Variants in SND1 observed in about 807,000 individuals in gnomAD.
SND1 encodes the protein staphylococcal nuclease and tudor domain containing 1, also known as staphylococcal nuclease domain-containing protein 1.
Under a neutral mutation model 121.7 loss-of-function variants are expected in SND1, and 38 were observed. The observed-to-expected ratio is 0.31, with a 90% confidence interval of 0.24 to 0.41. SND1 has a LOEUF of 0.41. Ranked by LOEUF, SND1 falls within the 10% of genes least tolerant of loss-of-function variation. The pLI is 1.00. For synonymous variants in SND1, 401 were observed against 447.4 expected, an observed-to-expected ratio of 0.90 and a Z score of 1.31; for missense variants, 868 against 1,184.6, an observed-to-expected ratio of 0.73 and a Z score of 3.92.
At chr7:127,707,775 G>A (rs544898231) in intron 9 of SND1, 128 bp downstream of exon 9, 1 of 423,350 alleles carries the variant, frequency 2.4e-6, no homozygotes, top group Non-Finnish European at 4.3e-6. Flanking sequence ...GAGTGTGTGT[G>A]TGTGTGTGTG....
intron 16 of SND1, among the ~76,000 whole-genome samples, chr7:128,045,369 A>G (rs911112289): frequency 6.6e-6 from 1 of 152,172 alleles, no homozygotes; most frequent in Non-Finnish European, 1.5e-5. Context: ...TGTCATCAGC[A>G]GTCCCTATGG....
At chr7:127,681,021 CAT>C (rs1347147784) in intron 1 of SND1, among the ~76,000 whole-genome samples, 1 of 152,148 alleles carries the variant, frequency 6.6e-6, no homozygotes, top group Non-Finnish European at 1.5e-5. Flanking sequence ...CTTCCCGCAA[CAT>C]ATACACCTAG....
At chr7:127,806,851 G>T (rs945416579) in intron 10 of SND1, among the ~76,000 whole-genome samples, 2 of 152,084 alleles carry the variant, frequency 1.3e-5, no homozygotes, top group African/African-American at 4.8e-5. Flanking sequence ...CCCAGCTACT[G>T]TGGAGGCTGA....
At chr7:127,659,142 A>G (rs1795264992) in intron 1 of SND1, among the ~76,000 whole-genome samples, 1 of 152,262 alleles carries the variant, frequency 6.6e-6, no homozygotes, top group African/African-American at 2.4e-5. Context: ...AGATGAATAC[A>G]CAACCCGGTT....
intron 12 of SND1, among the ~76,000 whole-genome samples, chr7:127,853,132 T>C (rs1196649929): frequency 1.3e-5 from 2 of 152,092 alleles, no homozygotes; most frequent in African/African-American, 4.8e-5. Flanking sequence ...AAGCAAATTA[T>C]AGACCCCACT....
chr7:127,692,967 C>T (rs1406375104), intron 2 of SND1, among the ~76,000 whole-genome samples: 1 of 152,190 alleles, frequency 6.6e-6, no homozygotes, highest in Non-Finnish European at 1.5e-5. Flanking sequence ...TGTGAACTGA[C>T]CTTTTGTAAA....
At chr7:127,828,877 G>C (rs535976269) in intron 11 of SND1, among the ~76,000 whole-genome samples, 1 of 152,256 alleles carries the variant, frequency 6.6e-6, no homozygotes, top group Admixed American at 6.5e-5. Context: ...TCATGGAGCA[G>C]AGCTCCCTGG....
At chr7:128,013,692 G>A (rs986945747) in intron 16 of SND1, among the ~76,000 whole-genome samples, 2 of 152,160 alleles carry the variant, frequency 1.3e-5, no homozygotes, top group East Asian at 1.9e-4. Context: ...TAGATCCCTC[G>A]CATGTGCAGT....
chr7:127,664,917 A>T (rs1166041905), intron 1 of SND1, among the ~76,000 whole-genome samples: 2 of 152,196 alleles, frequency 1.3e-5, no homozygotes, highest in Admixed American at 1.3e-4. Flanking sequence ...TAGAAGAAAA[A>T]CAAAAACAAT....
rs534742746 is a variant in SND1 at position 127,710,794 on chromosome 7, G to C, written c.1038+3147G>C. ...TCATACCATGGAAGAGGAGGACTTA[G>C]TTTTTTCACATAAGCACACATACTC... On this transcript the variant is annotated intron_variant, in intron 9 of 23. Transcript: ENST00000354725. Among the ~76,000 whole-genome samples the C allele has an allele frequency of 8.5e-5, 13 of 152,220 alleles. No individual in the cohort carries two copies. In the South Asian group the frequency reaches 2.7e-3, roughly 32 times the overall value.
rs11979895 is a variant in SND1, at chr7:127,790,785, C to T, written c.1153-16699C>T. On this transcript the variant is annotated intron_variant, in intron 10 of 23. Coordinates refer to ENST00000354725, the MANE Select transcript of SND1 (RefSeq NM_014390.4). ...AAATTCACAGACGGCTTCCTGGAGT[C>T]GGTAAGCAGCATTTGAGCATGTCTT... 4.2e-3 allele frequency among the ~76,000 whole-genome samples: 635 copies of T among 152,248 alleles called. 8 individuals carry two copies. Among genetic ancestry groups the T allele is most frequent in the African/African-American group, 0.015 (606 of 41,548 alleles).
chr7:127,690,516 T>C (rs192924872), intron 2 of SND1, among the ~76,000 whole-genome samples: 7 of 152,340 alleles, frequency 4.6e-5, no homozygotes, highest in Admixed American at 1.3e-4. Flanking sequence ...CCTTTCATCA[T>C]CCCATCTTGG....
At chr7:127,934,376 G>T (rs921568360) in intron 15 of SND1, among the ~76,000 whole-genome samples, 1 of 152,150 alleles carries the variant, frequency 6.6e-6, no homozygotes, top group Non-Finnish European at 1.5e-5. Flanking sequence ...TTATGCAGTG[G>T]ACCCTCAGAG....
intron 2 of SND1, among the ~76,000 whole-genome samples, chr7:127,692,771 G>A (rs1490745335): frequency 6.6e-6 from 1 of 152,144 alleles, no homozygotes; most frequent in African/African-American, 2.4e-5. Context: ...TTTCTTACAC[G>A]GTTAGGCATA....
At chr7:128,032,009 G>T (rs1192988971) in intron 16 of SND1, 2 of 151,592 alleles carry the variant, frequency 1.3e-5, no homozygotes, top group Admixed American at 1.3e-4. Flanking sequence ...TGCGCGCGGC[G>T]CCCACCGTCT....
chr7:127,683,319 G>A (rs535875741), intron 1 of SND1, among the ~76,000 whole-genome samples: 2 of 152,104 alleles, frequency 1.3e-5, no homozygotes, highest in African/African-American at 2.4e-5. Flanking sequence ...AGGCTCAAGC[G>A]GTTCTCCTAC....
intron 3 of SND1, among the ~76,000 whole-genome samples, chr7:127,698,616 C>T (rs989044086): frequency 1.2e-4 from 19 of 152,074 alleles, no homozygotes; most frequent in Non-Finnish European, 2.6e-4. Flanking sequence ...CCTGAGATTG[C>T]GTTTGGCCTG....
intron 10 of SND1, among the ~76,000 whole-genome samples, chr7:127,747,211 C>CT (rs1402020668): frequency 6.6e-6 from 1 of 152,104 alleles, no homozygotes; most frequent in Non-Finnish European, 1.5e-5. Flanking sequence ...ATCTCTGTTC[C>CT]TTTGAAAATT....
chr7:127,705,633 A>G (rs1257962737), intron 8 of SND1, among the ~76,000 whole-genome samples: 2 of 142,682 alleles, frequency 1.4e-5, no homozygotes, highest in African/African-American at 5.2e-5. Flanking sequence ...GTAGATGTAG[A>G]TGTAGGTGAA....
Sources: allele counts gnomAD v4.1 joint callset (sites outside exome capture counted in the v4.1 genomes callset), GRCh38; gene constraint gnomAD v4.1.1; transcripts MANE v1.5; gene names NCBI Gene and HGNC (gene_info 2026-07-23, HGNC 2026-07-21).